Variants in TUSC3 observed in about 807,000 individuals in gnomAD.
The protein encoded by TUSC3 is dolichyl-diphosphooligosaccharide--protein glycosyltransferase subunit TUSC3.
In TUSC3, 45 loss-of-function variants were observed where a neutral mutation model predicts 44.8. That is an observed-to-expected ratio of 1.00 (90% confidence interval 0.79 to 1.29). The LOEUF (loss-of-function observed/expected upper bound fraction) is 1.29, where lower values mean the gene tolerates loss of function less well. TUSC3 is among the 50% of genes most tolerant of loss of function. The probability of loss-of-function intolerance (pLI) is 0.00; values close to 1 mark genes in which losing one functional copy is unlikely to be tolerated. For missense variants in TUSC3, 519 were observed against 437.9 expected (o/e 1.19, Z -1.65); for synonymous variants, 212 against 152.9 (o/e 1.39, Z -2.85).
At chr8:15,506,618 G>C (rs1801054504) in intron 2 of TUSC3, among the ~76,000 whole-genome samples, 2 of 152,252 alleles carry the variant, frequency 1.3e-5, no homozygotes, top group Non-Finnish European at 1.5e-5. Context: ...CTTACATGGT[G>C]GCAGGCAAGA....
chr8:15,784,720 A>G, the TUSC3 span, among the ~76,000 whole-genome samples: 6 of 152,120 alleles, frequency 3.9e-5, no homozygotes, highest in East Asian at 1.2e-3. Flanking sequence ...AGTCAAACCC[A>G]TCGAAGCAGA....
rs998227093 is a variant in TUSC3 at position 15,552,460 on chromosome 8, A to G, written c.138+11892A>G. Among the ~76,000 whole-genome samples, 2 of 151,822 alleles carry G rather than the reference A, an allele frequency of 1.3e-5. 1 individual carries two copies. Among genetic ancestry groups the G allele is most frequent in the Non-Finnish European group, 2.9e-5 (2 of 67,912 alleles). On this transcript the variant is annotated intron_variant, in intron 1 of 10. Transcript: ENST00000503731. Reference sequence around the variant, plus strand: ...AGTTATAATGTAATATAAGAAGTCAATAAACTGGGAAATAATGGGCGCTAT... The same window carrying G: ...AGTTATAATGTAATATAAGAAGTCAGTAAACTGGGAAATAATGGGCGCTAT...
At chr8:15,439,860 G>T (rs1799998093) in intron 1 of TUSC3, among the ~76,000 whole-genome samples, 1 of 152,078 alleles carries the variant, frequency 6.6e-6, no homozygotes, top group Admixed American at 6.5e-5. Flanking sequence ...TCAGTCTCTT[G>T]GTTCATTAGT....
chr8:15,634,302 C>T (rs527752853), intron 2 of TUSC3, among the ~76,000 whole-genome samples: 5 of 152,266 alleles, frequency 3.3e-5, no homozygotes, highest in Admixed American at 1.3e-4. Context: ...ACTTTGGTTC[C>T]TCCAACTCAG....
chr8:15,730,846 T>G (rs1810693399), intron 7 of TUSC3, 117 bp downstream of exon 7: 1 of 914,516 alleles, frequency 1.1e-6, no homozygotes, highest in South Asian at 1.5e-5. Flanking sequence ...AATTTTAGGC[T>G]GTACTATATG....
rs535294736 is a variant in TUSC3 at position 15,551,744 on chromosome 8, T to C, written c.138+11176T>C. Among the ~76,000 whole-genome samples the C allele has an allele frequency of 2.4e-4, 36 of 151,802 alleles. 1 individual carries two copies. Among genetic ancestry groups the C allele is most frequent in the Non-Finnish European group, 3.2e-4 (22 of 67,908 alleles). On this transcript the variant is annotated intron_variant, in intron 1 of 10. Transcript: ENST00000503731. Reference sequence around the variant, plus strand: ...TCTCTTGTGTTCAAGGTACGTGTTATAAGGGTAAGAAACAAAATATTCTGC... The same window carrying C: ...TCTCTTGTGTTCAAGGTACGTGTTACAAGGGTAAGAAACAAAATATTCTGC...
chr8:15,766,776 C>T (rs147787512), downstream of TUSC3: 2 of 152,136 alleles, frequency 1.3e-5, no homozygotes, highest in African/African-American at 4.8e-5. Context: ...GCAAGTATTC[C>T]CTTTCTTGCT....
At chr8:15,478,543 C>T (rs1184808706) in intron 1 of TUSC3, among the ~76,000 whole-genome samples, 1 of 152,114 alleles carries the variant, frequency 6.6e-6, no homozygotes, top group East Asian at 1.9e-4. Context: ...TTTTCTGTTC[C>T]TGTGTTAGTT....
intron 1 of TUSC3, among the ~76,000 whole-genome samples, chr8:15,582,201 CA>C (rs892379832): frequency 6.6e-6 from 1 of 152,192 alleles, no homozygotes; most frequent in African/African-American, 2.4e-5. Flanking sequence ...GGCCTGCGCC[CA>C]CTGTCTGGCA....
At position 15,551,136 on chromosome 8, in the gene TUSC3, G is replaced by A. The variant is rs1045559616; in HGVS notation, c.138+10568G>A. 1.7e-4 allele frequency among the ~76,000 whole-genome samples: 26 copies of A among 151,644 alleles called. 2 individuals are homozygous for A. Among genetic ancestry groups the A allele is most frequent in the Admixed American group, 1.6e-3 (24 of 15,184 alleles). On this transcript the variant is annotated intron_variant, in intron 1 of 10. Coordinates refer to ENST00000503731, the MANE Select transcript of TUSC3 (RefSeq NM_006765.4). ...AACAAGATCAGGATTTCTGAACATG[G>A]TAAATGCAGAAAAAGTTTCCCATTA...
intron 2 of TUSC3, among the ~76,000 whole-genome samples, chr8:15,626,820 A>G (rs1341652712): frequency 6.6e-6 from 1 of 152,088 alleles, no homozygotes. Context: ...AGCATGGGAG[A>G]GTGGCTGAGG....
intron 6 of TUSC3, among the ~76,000 whole-genome samples, chr8:15,722,998 G>A (rs1020939631): frequency 5.3e-5 from 8 of 151,940 alleles, no homozygotes; most frequent in Admixed American, 2.0e-4. Context: ...CAAATTTCTC[G>A]TCCTACCACA....
rs540989714 is a variant in TUSC3 at position 15,491,682 on chromosome 8, C to T, written n.189+8199C>T. Among the ~76,000 whole-genome samples the T allele has an allele frequency of 2.6e-5, 4 of 152,250 alleles. No individual in the cohort carries two copies. The South Asian group carries it at 8.3e-4, about 32-fold the overall frequency. On this transcript the variant is annotated intron_variant and non_coding_transcript_variant, in intron 2 of 5. Transcript: ENST00000503191. ...CTCCAGCTGATTTACAAGGAAGAGGCTGGAGAAACTAAGGCTAAGCACCAT... is the reference window on the plus strand; with the variant it reads ...CTCCAGCTGATTTACAAGGAAGAGGTTGGAGAAACTAAGGCTAAGCACCAT...
chr8:15,814,248 T>G, the TUSC3 span, among the ~76,000 whole-genome samples: 1 of 152,312 alleles, frequency 6.6e-6, no homozygotes, highest in South Asian at 2.1e-4. Context: ...TGTGTGTGTG[T>G]GGTCTTCCTA....
chr8:15,487,119 G>T (rs1301241542), intron 2 of TUSC3, among the ~76,000 whole-genome samples: 1 of 152,100 alleles, frequency 6.6e-6, no homozygotes, highest in Non-Finnish European at 1.5e-5. Context: ...TATTAAATTT[G>T]AGGAATATTT....
At chr8:15,525,456 T>A (rs1056007406) in intron 2 of TUSC3, among the ~76,000 whole-genome samples, 1 of 152,362 alleles carries the variant, frequency 6.6e-6, no homozygotes, top group Non-Finnish European at 1.5e-5. Context: ...ATAGTCCTAC[T>A]ATTATTTTTA....
chr8:15,676,314 A>G (rs1808186678), intron 6 of TUSC3, among the ~76,000 whole-genome samples: 2 of 151,974 alleles, frequency 1.3e-5, no homozygotes, highest in East Asian at 1.9e-4. Flanking sequence ...CTGCTTTTTA[A>G]TGGGGTTATT....
At chr8:15,463,714 G>T (rs1800378132) in intron 1 of TUSC3, among the ~76,000 whole-genome samples, 1 of 152,110 alleles carries the variant, frequency 6.6e-6, no homozygotes, top group Non-Finnish European at 1.5e-5. Flanking sequence ...GCATTAAAGA[G>T]AATATAAAGG....
intron 1 of TUSC3, among the ~76,000 whole-genome samples, chr8:15,562,671 G>A (rs1802520936): frequency 6.6e-6 from 1 of 152,064 alleles, no homozygotes; most frequent in Admixed American, 6.5e-5. Context: ...TTCAGCTTTT[G>A]GTAGTTGTAG....
Sources: gnomAD v4.1 joint callset for allele counts (sites outside exome capture counted in the v4.1 genomes callset) on GRCh38, gnomAD v4.1.1 for gene constraint, MANE v1.5 for transcripts, NCBI Gene and HGNC (gene_info 2026-07-23, HGNC 2026-07-21) for gene names.